TRPV5: variants seen among roughly 807,000 people sequenced by gnomAD.
The protein encoded by TRPV5 is calcium transport protein 2.
TRPV5 carries 66 observed loss-of-function variants against 74.1 expected under a neutral mutation model. That is an observed-to-expected ratio of 0.89 (90% CI 0.73 to 1.09). The LOEUF (loss-of-function observed/expected upper bound fraction) is 1.09, where lower values mean the gene tolerates loss of function less well. Ranked by LOEUF, TRPV5 falls within the 50% of genes least tolerant of loss-of-function variation. TRPV5 has a pLI of 0.00. For missense variants in TRPV5, 936 were observed against 930.4 expected, an observed-to-expected ratio of 1.01 and a Z score of -0.08; for synonymous variants, 399 against 360.7, an observed-to-expected ratio of 1.11 and a Z score of -1.20.
At chr7:142,926,227 A>G (rs1274580350) in intron 7 of TRPV5, among the ~76,000 whole-genome samples, 3 of 152,170 alleles carry the variant, frequency 2.0e-5, no homozygotes, top group Admixed American at 6.5e-5. Context: ...ATATAACAGA[A>G]AGCAACTGGG....
chr7:142,912,655 T>A lies in TRPV5; in HGVS notation c.1615A>T (p.Thr539Ser), dbSNP rs747614335. ...TAGTTGGCAGGTGCATCAATAACAG[T>A]GAGAAAAAGCTCAAAGGTGGTGAAC... ...ALFTTFELFLTVIDAPANYDV... is the reference protein window; with the variant it reads ...ALFTTFELFLSVIDAPANYDV... Residue 539 changes from threonine to serine, a missense_variant, in exon 13 of 15, where the codon ACT (threonine) becomes TCT (serine). Physicochemically the swap from Thr to Ser is moderately conservative, Grantham distance 58. Coordinates refer to ENST00000265310, the MANE Select transcript of TRPV5 (RefSeq NM_019841.7). 7 of 1,614,038 alleles carry A rather than the reference T, an allele frequency of 4.3e-6. No homozygotes were observed. The highest frequency in any genetic ancestry group is 5.9e-6 in the Non-Finnish European group (7 of 1,180,022).
Position 142,915,470 on chromosome 7 carries a change from C to T in TRPV5, c.1209+12G>A. ...TGGGATGGGATTAGCCTGGACCCCG[C>T]CTGCCCCTCACCTCTAGGAGCAGGA... On this transcript the variant is annotated intron_variant, in intron 9 of 14. Transcript: ENST00000265310. 6.2e-7 allele frequency: 1 copy of T among 1,613,760 alleles called. No homozygotes were observed. Among genetic ancestry groups the T allele is most frequent in the Non-Finnish European group, 8.5e-7 (1 of 1,179,810 alleles).
chr7:142,918,741 C>T (rs957117776), intron 8 of TRPV5, among the ~76,000 whole-genome samples: 5 of 152,096 alleles, frequency 3.3e-5, no homozygotes, highest in African/African-American at 1.2e-4. Context: ...ACTGGTTGTC[C>T]CCTGTGAGTA....
intron 12 of TRPV5, among the ~76,000 whole-genome samples, chr7:142,914,037 T>C (rs1795749985): frequency 6.6e-6 from 1 of 152,186 alleles, no homozygotes; most frequent in Non-Finnish European, 1.5e-5. Flanking sequence ...TGGCTGTGCC[T>C]TGACTGGGTG....
At chr7:142,913,282 T>C (rs369342658) in intron 12 of TRPV5, among the ~76,000 whole-genome samples, 1 of 152,310 alleles carries the variant, frequency 6.6e-6, no homozygotes, top group East Asian at 1.9e-4. Context: ...GGATTCCTGC[T>C]TAGGGTGGAG....
intron 8 of TRPV5, among the ~76,000 whole-genome samples, chr7:142,918,917 T>C (rs1443510143): frequency 6.6e-6 from 1 of 152,232 alleles, no homozygotes. Context: ...AAACGGGATG[T>C]ACAAAACCCT....
intron 12 of TRPV5, among the ~76,000 whole-genome samples, chr7:142,913,376 G>A (rs1392657758): frequency 6.6e-6 from 1 of 152,218 alleles, no homozygotes; most frequent in Admixed American, 6.5e-5. Context: ...GGGAGCTGAA[G>A]CACATTCTGA....
intron 8 of TRPV5, 61 bp from the exon 9 acceptor site, chr7:142,915,629 A>C: frequency 6.4e-7 from 1 of 1,552,398 alleles, no homozygotes; most frequent in Non-Finnish European, 8.8e-7. Context: ...CTTTTGTGCA[A>C]ATGATCGAAA....
At chr7:142,926,779 A>G (rs1296008221) in intron 7 of TRPV5, among the ~76,000 whole-genome samples, 2 of 152,212 alleles carry the variant, frequency 1.3e-5, no homozygotes, top group Non-Finnish European at 2.9e-5. Context: ...ACACAGTGGG[A>G]TTGTGCTTTT....
chr7:142,927,393 T>C (rs974972458), intron 7 of TRPV5, among the ~76,000 whole-genome samples: 1 of 152,202 alleles, frequency 6.6e-6, no homozygotes, highest in Admixed American at 6.5e-5. Context: ...ATACAGCGGG[T>C]GTTCAATATG....
At chr7:142,923,620 G>T (rs753987446) in intron 8 of TRPV5, among the ~76,000 whole-genome samples, 4 of 152,098 alleles carry the variant, frequency 2.6e-5, no homozygotes, top group Non-Finnish European at 4.4e-5. Context: ...TTTCACTGAA[G>T]CAGAAGGCAG....
intron 8 of TRPV5, among the ~76,000 whole-genome samples, chr7:142,917,824 A>C (rs1182562200): frequency 6.6e-6 from 1 of 152,200 alleles, no homozygotes; most frequent in Non-Finnish European, 1.5e-5. Flanking sequence ...GCTGCTCTAC[A>C]AGACCAGAAT....
chr7:142,910,221 C>T (rs1056987056), intron 13 of TRPV5, among the ~76,000 whole-genome samples: 3 of 152,146 alleles, frequency 2.0e-5, no homozygotes, highest in East Asian at 1.9e-4. Flanking sequence ...AAAATTATCT[C>T]GCTAGATTGG....
chr7:142,930,731 A>G (rs1020971914), intron 1 of TRPV5, among the ~76,000 whole-genome samples: 5 of 152,310 alleles, frequency 3.3e-5, no homozygotes, highest in African/African-American at 1.2e-4. Context: ...GTAGTCTGGA[A>G]AGAGTGGTCT....
rs370947423 is a variant in TRPV5, at chr7:142,908,670, T to C, written c.2034A>G (p.Arg678=). Residue 678 remains arginine (R), a synonymous_variant, in exon 15 of 15, where the codon AGA becomes AGG. Transcript: ENST00000265310. ...AGGAAGTTGGAAGAGCCAAAGAGGC[T>C]CTGGCTAGAGTCCCACTCTCAGCCC... is the stretch of plus-strand genomic sequence containing the variant. ...PSGAESGTLA[R]ASLALPTSSL... 84 of 1,614,110 alleles carry C rather than the reference T, an allele frequency of 5.2e-5. No homozygotes were observed. Among genetic ancestry groups the C allele is most frequent in the Non-Finnish European group, 6.7e-5 (79 of 1,180,048 alleles).
At chr7:142,922,288 A>G (rs1795897406) in intron 8 of TRPV5, among the ~76,000 whole-genome samples, 1 of 152,198 alleles carries the variant, frequency 6.6e-6, no homozygotes, top group Non-Finnish European at 1.5e-5. Flanking sequence ...TATTTCTGGG[A>G]AAGAGAAAAT....
At position 142,914,685 on chromosome 7, in the gene TRPV5, G is replaced by T; in HGVS notation, c.1474C>A (p.Arg492Ser). The change falls in exon 12 of 15, where the codon CGT (arginine) becomes AGT (serine). Residue 492 changes from arginine (R) to serine (S), a missense_variant. Coordinates refer to ENST00000265310, the MANE Select transcript of TRPV5 (RefSeq NM_019841.7). ...ACCACAGCCATCAGCCAGCAGAAAC[G>T]CATTAGGTCTCCAAAAATCATCTGC... ...IQKMIFGDLM[R>S]FCWLMAVVIL... 1 of 1,613,758 alleles carries T rather than the reference G, an allele frequency of 6.2e-7. No homozygotes were observed. The highest frequency in any genetic ancestry group is 8.5e-7 in the Non-Finnish European group (1 of 1,179,882).
intron 13 of TRPV5, among the ~76,000 whole-genome samples, chr7:142,911,477 G>GAGCCATGA: frequency 6.6e-6 from 1 of 152,176 alleles, no homozygotes; most frequent in Non-Finnish European, 1.5e-5. Context: ...GCTCACCTTT[G>GAGCCATGA]GGTTCTCATC....
chr7:142,925,708 C>T lies in TRPV5; in HGVS notation c.943G>A (p.Glu315Lys). 1 of 1,614,148 alleles carries T rather than the reference C, an allele frequency of 6.2e-7. No homozygotes were observed. The change falls in exon 8 of 15, where the codon GAG (glutamate) becomes AAG (lysine). Residue 315 changes from glutamate to lysine, a missense_variant. By Grantham distance (56) the Glu-to-Lys change is moderately conservative. Coordinates refer to ENST00000265310, the MANE Select transcript of TRPV5 (RefSeq NM_019841.7). Reference sequence around the variant, plus strand: ...TTGTTCCACTTGAAGCTCACCAGCTCCTTCACTGGGGTCTGTTCCAGAATT... The same window carrying T: ...TTGTTCCACTTGAAGCTCACCAGCTTCTTCACTGGGGTCTGTTCCAGAATT... ...RQILEQTPVK[E>K]LVSFKWNKYG...
Sources: allele counts gnomAD v4.1 joint callset (sites outside exome capture counted in the v4.1 genomes callset), GRCh38; gene constraint gnomAD v4.1.1; transcripts MANE v1.5; gene names NCBI Gene and HGNC (gene_info 2026-07-23, HGNC 2026-07-21).